PHC2: variants seen among roughly 807,000 people sequenced by gnomAD.
PHC2 encodes polyhomeotic-like protein 2.
A neutral mutation model predicts 87.4 loss-of-function variants in PHC2; 29 were observed. That is an observed-to-expected ratio of 0.33 (90% CI 0.25 to 0.45). The LOEUF is 0.45. Among genes scored for constraint, PHC2 ranks in the 20% least tolerant of loss-of-function variants. PHC2 has a pLI of 1.00. For synonymous variants in PHC2, 438 were observed against 461.7 expected (o/e 0.95, Z 0.66); for missense variants, 857 against 1,136.7 (o/e 0.75, Z 3.54).
At position 33,370,492 on chromosome 1, in the gene PHC2, C is replaced by T; in HGVS notation, c.505G>A (p.Val169Met). The change falls in exon 5 of 15, where the codon GTG (valine) becomes ATG (methionine). Residue 169 changes from valine (V) to methionine (M), a missense_variant. Physicochemically the swap from Val to Met is conservative, Grantham distance 21. Transcript: ENST00000683057. ...GGGGAAGACGTGTTGCCCAAGAGCA[C>T]AGCCTGCTGAGCGATGCCTGAGGCT... The part of the protein sequence containing the change: ...AAASGIAQQA[V>M]LLGNTSSPAL... 6.2e-7 allele frequency: 1 copy of T among 1,614,166 alleles called. No homozygotes were observed. Among genetic ancestry groups the T allele is most frequent in the Non-Finnish European group, 8.5e-7 (1 of 1,180,018 alleles).
Position 33,332,847 on chromosome 1 carries a change from A to G in PHC2, c.1762-443T>C, listed in dbSNP as rs752425113. ...TTTTACTGTTCTCCACCTTACCCCA[A>G]TGCCTGACCCAAGCCAGAGGTACAG... On this transcript the variant is annotated intron_variant, in intron 10 of 14. Transcript: ENST00000683057. This position sits in a 1 kb window ranked among gnomAD's most constrained non-coding sequence, Gnocchi z 4.2. Among the ~76,000 whole-genome samples, 2 of 152,042 alleles carry G rather than the reference A, an allele frequency of 1.3e-5. No individual in the cohort carries two copies. Among genetic ancestry groups the G allele is most frequent in the Admixed American group, 1.3e-4 (2 of 15,272 alleles).
chr1:33,411,079 T>C (rs1649964300), intron 1 of PHC2, among the ~76,000 whole-genome samples: 1 of 152,234 alleles, frequency 6.6e-6, no homozygotes, highest in Non-Finnish European at 1.5e-5. Context: ...GATAATTATA[T>C]GTCTTATTTA....
At chr1:33,356,253 A>ATATATATATATATATATATATATG (rs1162205091) in intron 7 of PHC2, among the ~76,000 whole-genome samples, 9 of 50,674 alleles carry the variant, frequency 1.8e-4, no homozygotes, top group Non-Finnish European at 2.7e-4. Context: ...AAATTCTTAT[A>ATATATATATATATATATATATATG]TATATATATA....
chr1:33,343,127 G>A (rs1054600559), intron 9 of PHC2, among the ~76,000 whole-genome samples: 8 of 152,094 alleles, frequency 5.3e-5, no homozygotes, highest in Admixed American at 3.9e-4. Flanking sequence ...CTGAATACAC[G>A]CAGAAGCTGT....
chr1:33,329,293 G>T (rs1369721850), intron 13 of PHC2, 147 bp from the exon 14 acceptor site: 17 of 734,300 alleles, frequency 2.3e-5, no homozygotes, highest in Admixed American at 5.6e-5. Context: ...ATGCTGTCCT[G>T]TCTCCTACCC....
Position 33,370,582 on chromosome 1 carries a change from T to C in PHC2, c.415A>G (p.Asn139Asp), listed in dbSNP as rs769016941. 1 of 1,611,810 alleles carries C rather than the reference T, an allele frequency of 6.2e-7. No individual in the cohort carries two copies. The highest frequency in any genetic ancestry group is 2.2e-5 in the East Asian group (1 of 44,794). Residue 139 changes from asparagine (N) to aspartate (D), a missense_variant, in exon 5 of 15, where the codon AAC becomes GAC. Around this residue, in one of 3 missense-constraint regions of PHC2, gnomAD observed 832 missense variants for 1,081.8 expected, o/e 0.77. Transcript: ENST00000683057. The stretch of plus-strand genomic sequence containing the variant: ...GCTGCTGCTGGGGAGGCTGCCAGGT[T>C]GATCTAATGAGAGAGACATGTGCGG... ...AQAPAQSSSI[N>D]LAASPAAAQL...
At chr1:33,395,351 G>A (rs1649250028) in intron 1 of PHC2, among the ~76,000 whole-genome samples, 1 of 151,866 alleles carries the variant, frequency 6.6e-6, no homozygotes, top group African/African-American at 2.4e-5. Flanking sequence ...ATGTTGATAG[G>A]GATTTGTACT....
rs371688704 is a variant in PHC2, at chr1:33,328,882, G to A, written c.2413C>T (p.Arg805Cys). The stretch of plus-strand genomic sequence containing the variant: ...CCAAGGGCCTTACCTGGCAGAGAGC[G>A]GATGAATTCGTAGACGTCTTCTACA... ...WNVEDVYEFI[R>C]SLPGCQEIAE... Residue 805 changes from arginine (R) to cysteine (C), a missense_variant, in exon 14 of 15, where the codon CGC (arginine) becomes TGC (cysteine). Arg to Cys is a radical substitution (Grantham distance 180). Coordinates refer to ENST00000683057, the MANE Select transcript of PHC2 (RefSeq NM_001385109.1). The A allele has an allele frequency of 6.8e-6, 11 of 1,607,702 alleles. No homozygotes were observed. The highest frequency in any genetic ancestry group is 2.2e-5 in the East Asian group (1 of 44,708).
Position 33,331,593 on chromosome 1 carries a change from A to G in PHC2, c.1892-131T>C. The G allele has an allele frequency of 1.6e-6, 1 of 617,664 alleles. No individual in the cohort carries two copies. Among genetic ancestry groups the G allele is most frequent in the Non-Finnish European group, 2.9e-6 (1 of 340,862 alleles). The allele number at this position is 617,664 out of a possible 1,614,324, so 38.3% of individuals were successfully genotyped here. ...TCCCACAGCTGTGACATACAGCAGC[A>G]TTCTAGCATGGAAAATGCCAGTGGT... On this transcript the variant is annotated intron_variant, in intron 11 of 14. Coordinates refer to ENST00000683057, the MANE Select transcript of PHC2 (RefSeq NM_001385109.1). This position sits in a 1 kb window ranked among gnomAD's most constrained non-coding sequence, Gnocchi z 5.2.
intron 1 of PHC2, among the ~76,000 whole-genome samples, chr1:33,381,726 A>G (rs1389830643): frequency 6.6e-6 from 1 of 151,196 alleles, no homozygotes; most frequent in Non-Finnish European, 1.5e-5. Flanking sequence ...CTAGATTTTC[A>G]GTTGAAAACG....
At position 33,401,269 on chromosome 1, in the gene PHC2, T is replaced by A. The variant is rs564595098; in HGVS notation, c.-54-25676A>T. 4.6e-5 allele frequency among the ~76,000 whole-genome samples: 7 copies of A among 151,958 alleles called. No individual in the cohort carries two copies. The South Asian group carries it at 1.5e-3, about 32-fold the overall frequency. ...TGAACCCAGGAGGTGGAGCTTGCAGTGAGCCGAGATTGCACCACTGCACTC... is the reference window on the plus strand; with the variant it reads ...TGAACCCAGGAGGTGGAGCTTGCAGAGAGCCGAGATTGCACCACTGCACTC... On this transcript the variant is annotated intron_variant, in intron 1 of 14. Transcript: ENST00000683057.
At chr1:33,347,557 G>T (rs1646867928) in intron 9 of PHC2, 1 of 985,282 alleles carries the variant, frequency 1.0e-6, no homozygotes, top group African/African-American at 1.7e-5. Flanking sequence ...TGTCAGTAAA[G>T]AACAGTTTGG....
chr1:33,325,308 C>A, intron 14 of PHC2: 1 of 323,714 alleles, frequency 3.1e-6, no homozygotes. Flanking sequence ...GAAGTGACAG[C>A]GTGTGATTTC....
intron 1 of PHC2, among the ~76,000 whole-genome samples, chr1:33,415,376 G>A (rs1172450938): frequency 6.6e-6 from 1 of 152,202 alleles, no homozygotes; most frequent in Non-Finnish European, 1.5e-5. Flanking sequence ...CCTTGTAATA[G>A]ACAAGGAATT....
At chr1:33,329,216 G>A in intron 13 of PHC2, 70 bp from the exon 14 acceptor site, 1 of 1,500,110 alleles carries the variant, frequency 6.7e-7, no homozygotes, top group Non-Finnish European at 9.1e-7. Flanking sequence ...AACAAAGGAG[G>A]TATTTCTCCT....
At chr1:33,351,226 T>C (rs1262253184) in intron 9 of PHC2, among the ~76,000 whole-genome samples, 3 of 152,240 alleles carry the variant, frequency 2.0e-5, no homozygotes, top group African/African-American at 4.8e-5. Context: ...ACTTTATTTA[T>C]GGGCACTAGA....
At chr1:33,361,787 G>C (rs1421574317) in intron 7 of PHC2, among the ~76,000 whole-genome samples, 4 of 152,262 alleles carry the variant, frequency 2.6e-5, no homozygotes, top group African/African-American at 9.6e-5. Flanking sequence ...ACAAGAGGAA[G>C]TCTCATCAGA....
At chr1:33,423,789 A>C (rs906489682) in intron 1 of PHC2, among the ~76,000 whole-genome samples, 2 of 152,232 alleles carry the variant, frequency 1.3e-5, no homozygotes, top group Non-Finnish European at 2.9e-5. Flanking sequence ...ATGAAAATAC[A>C]TATTTTTTAT....
At chr1:33,416,479 G>A (rs1428424498) in intron 1 of PHC2, among the ~76,000 whole-genome samples, 1 of 151,302 alleles carries the variant, frequency 6.6e-6, no homozygotes, top group East Asian at 1.9e-4. Context: ...GGGAGGCTGA[G>A]GCAGGAAAAT....
Sources: allele counts gnomAD v4.1 joint callset (sites outside exome capture counted in the v4.1 genomes callset), GRCh38; gene constraint gnomAD v4.1.1; regional missense constraint gnomAD v4.1.1; non-coding constraint Gnocchi (gnomAD v3.1); transcripts MANE v1.5; gene names NCBI Gene and HGNC (gene_info 2026-07-23, HGNC 2026-07-21).